NID2: variants seen among roughly 807,000 people sequenced by gnomAD.
NID2 encodes the protein nidogen 2, also known as nidogen-2.
A neutral mutation model predicts 145.4 loss-of-function variants in NID2; 83 were observed. The observed-to-expected ratio is 0.57, with a 90% confidence interval of 0.48 to 0.69. The LOEUF is 0.69. NID2 is among the 30% of genes least tolerant of loss of function. The probability of loss-of-function intolerance (pLI) is 0.00; values close to 1 mark genes in which losing one functional copy is unlikely to be tolerated. For synonymous variants in NID2, 739 were observed against 701.3 expected (o/e 1.05, Z -0.85); for missense variants, 1,807 against 1,765.7 (o/e 1.02, Z -0.42).
chr14:52,005,293 TTAAAAA>T lies in NID2; in HGVS notation c.*187_*192del, dbSNP rs1295070440. 2.3e-6 allele frequency: 1 copy of T among 428,806 alleles called. No homozygotes were observed. The highest frequency in any genetic ancestry group is 4.2e-5 in the Admixed American group (1 of 24,074). The allele number at this position is 428,806 out of a possible 1,614,324, so 26.6% of individuals were successfully genotyped here. On this transcript the variant is annotated 3_prime_UTR_variant, in exon 22 of 22. Coordinates refer to ENST00000216286, the MANE Select transcript of NID2 (RefSeq NM_007361.4). ...AAACTTGCAATAACAACCTTCATTT[TTAAAAA>T]TACAGTAGTAAAGATTGAGGTATCA...
intron 16 of NID2, chr14:52,014,025 C>T: frequency 3.8e-6 from 2 of 525,000 alleles, no homozygotes; most frequent in Non-Finnish European, 6.9e-6. Flanking sequence ...CATGTGCTGA[C>T]AACTCTAAAG....
intron 17 of NID2, among the ~76,000 whole-genome samples, chr14:52,011,339 TAAG>T (rs1566741717): frequency 6.6e-6 from 1 of 152,220 alleles, no homozygotes; most frequent in Admixed American, 6.5e-5. Flanking sequence ...TGAATTCTTT[TAAG>T]AAGTGCGCAC....
At chr14:52,019,990 C>T (rs1891343409) in intron 13 of NID2, 69 bp downstream of exon 13, 1 of 1,580,866 alleles carries the variant, frequency 6.3e-7, no homozygotes, top group South Asian at 1.1e-5. Flanking sequence ...CAAGAGTGGG[C>T]TGTCATAGAA....
chr14:52,023,875 G>C (rs1891486896), intron 12 of NID2, among the ~76,000 whole-genome samples: 2 of 152,124 alleles, frequency 1.3e-5, no homozygotes, highest in African/African-American at 2.4e-5. Context: ...ACTATGGCTG[G>C]AGAAAAACTC....
chr14:52,024,101 A>G (rs1209918949), intron 12 of NID2, among the ~76,000 whole-genome samples: 1 of 152,228 alleles, frequency 6.6e-6, no homozygotes, highest in African/African-American at 2.4e-5. Flanking sequence ...GTCTTTAGGA[A>G]AATGACCATT....
At chr14:52,033,776 G>A (rs906883361) in intron 9 of NID2, among the ~76,000 whole-genome samples, 1 of 152,140 alleles carries the variant, frequency 6.6e-6, no homozygotes, top group Non-Finnish European at 1.5e-5. Flanking sequence ...ATGAAGTAGG[G>A]TTCAAACACA....
rs763319248 is a variant in NID2, at chr14:52,005,489, C to G, written c.4125G>C (p.Lys1375Asn). Residue 1375 changes from lysine to asparagine, a missense_variant, in exon 22 of 22, where the codon AAG becomes AAC. Lys to Asn is a moderately conservative substitution (Grantham distance 94, BLOSUM62 0). Transcript: ENST00000216286. Reference protein sequence around the residue: ...AVYPYCPTGRK With the variant: ...AVYPYCPTGRN ...GTCTTCCTTTACATTACTGTACTTA[C>G]TTTCTTCCTGTGAGAGAAGAGCAGG... The G allele has an allele frequency of 4.4e-6, 7 of 1,597,870 alleles. No homozygotes were observed. Among genetic ancestry groups the G allele is most frequent in the Non-Finnish European group, 5.1e-6 (6 of 1,174,006 alleles).
At chr14:52,013,125 G>A (rs1891093048) in intron 16 of NID2, among the ~76,000 whole-genome samples, 2 of 152,214 alleles carry the variant, frequency 1.3e-5, no homozygotes, top group South Asian at 4.1e-4. Context: ...ATAAACCCAT[G>A]TCATAACCTC....
chr14:52,038,138 T>C (rs1892140243), intron 9 of NID2, among the ~76,000 whole-genome samples: 1 of 152,176 alleles, frequency 6.6e-6, no homozygotes, highest in African/African-American at 2.4e-5. Context: ...CTGAATTGAA[T>C]AAAAGTGGCA....
Position 52,034,949 on chromosome 14 carries a change from ATTT to A in NID2, c.2257+3795_2257+3797del, listed in dbSNP as rs1351636863. Among the ~76,000 whole-genome samples, 4 of 152,294 alleles carry A rather than the reference ATTT, an allele frequency of 2.6e-5. 1 individual carries two copies. In the South Asian group the frequency reaches 8.3e-4, roughly 32 times the overall value. On this transcript the variant is annotated intron_variant, in intron 9 of 21. Coordinates refer to ENST00000216286, the MANE Select transcript of NID2 (RefSeq NM_007361.4). ...GCTCATCCTCTGGCTTGCTTGAAAC[ATTT>A]TTTAATAATTAAGACCTTGCTTTTT...
intron 14 of NID2, among the ~76,000 whole-genome samples, chr14:52,017,349 A>G (rs1290732532): frequency 1.3e-5 from 2 of 152,122 alleles, no homozygotes; most frequent in Admixed American, 6.5e-5. Flanking sequence ...GTATTTTGAA[A>G]TTGTGGGCAC....
At chr14:52,068,531 C>G (rs1326964332) in intron 1 of NID2, among the ~76,000 whole-genome samples, 1 of 152,260 alleles carries the variant, frequency 6.6e-6, no homozygotes, top group African/African-American at 2.4e-5. Context: ...GCCACCTTTT[C>G]TGCCTGGGAC....
At chr14:52,022,957 G>C (rs1891454662) in intron 12 of NID2, among the ~76,000 whole-genome samples, 1 of 152,106 alleles carries the variant, frequency 6.6e-6, no homozygotes, top group Non-Finnish European at 1.5e-5. Flanking sequence ...TCTCTCTACT[G>C]CACAATCTGT....
chr14:52,067,798 C>T, intron 2 of NID2, 60 bp downstream of exon 2: 1 of 1,578,850 alleles, frequency 6.3e-7, no homozygotes, highest in Non-Finnish European at 8.7e-7. Context: ...TGGGTCGCTG[C>T]CCCAGAATTT....
intron 2 of NID2, among the ~76,000 whole-genome samples, chr14:52,063,358 G>A (rs1893078999): frequency 6.6e-6 from 1 of 152,192 alleles, no homozygotes; most frequent in African/African-American, 2.4e-5. Flanking sequence ...AGAGGATCAG[G>A]GTGAGTGGCT....
At chr14:52,051,709 T>G (rs1313472168) in intron 5 of NID2, among the ~76,000 whole-genome samples, 2 of 152,240 alleles carry the variant, frequency 1.3e-5, no homozygotes, top group Non-Finnish European at 2.9e-5. Context: ...CGTAAATTCT[T>G]TTAAAACAAA....
chr14:52,069,053 A>G lies in NID2; in HGVS notation c.-59T>C. 1 of 1,380,002 alleles carries G rather than the reference A, an allele frequency of 7.2e-7. No individual in the cohort carries two copies. The highest frequency in any genetic ancestry group is 9.9e-7 in the Non-Finnish European group (1 of 1,014,420). The allele number at this position is 1,380,002 out of a possible 1,614,324, so 85.5% of individuals were successfully genotyped here. A position where few individuals can be genotyped will look rare whatever the true frequency, so the allele number is the denominator to read the frequency against. On this transcript the variant is annotated 5_prime_UTR_variant, in exon 1 of 22. Coordinates refer to ENST00000216286, the MANE Select transcript of NID2 (RefSeq NM_007361.4). ...CGCGTCCCGCCCCGGCCTCCAGCCC[A>G]CTCTCCGCGCCGCGCCAGCCTCGAA...
Position 52,010,962 on chromosome 14 carries a change from GCT to G in NID2, c.3634_3635del (p.Ser1212ArgfsTer7). The G allele has an allele frequency of 6.2e-7, 1 of 1,614,076 alleles. No individual in the cohort carries two copies. Among genetic ancestry groups the G allele is most frequent in the Non-Finnish European group, 8.5e-7 (1 of 1,179,996 alleles). On this transcript the variant is annotated frameshift_variant, in exon 18 of 22. Transcript: ENST00000216286. LOFTEE classifies it high-confidence loss of function. The stretch of plus-strand genomic sequence containing the variant: ...TGCGCTCAGAGCCATCCAGCAGGGC[GCT>G]CTCTATCTTATCCAGGACACTGTCC... ...WTDSVLDKIE[S>X]ALLDGSERKV... is the part of the protein sequence containing the mutation.
intron 12 of NID2, among the ~76,000 whole-genome samples, chr14:52,024,937 T>C (rs1497077): frequency 0.64 from 97,604 of 152,026 alleles, 31,649 homozygotes; most frequent in South Asian, 0.83. Context: ...GCATGCAGCA[T>C]CTAATCTAAA....
Sources: allele counts gnomAD v4.1 joint callset (sites outside exome capture counted in the v4.1 genomes callset), GRCh38; gene constraint gnomAD v4.1.1; transcripts MANE v1.5; gene names NCBI Gene and HGNC (gene_info 2026-07-23, HGNC 2026-07-21).